Variants in CAMK2D observed in about 807,000 individuals in gnomAD.
The protein encoded by CAMK2D is calcium/calmodulin-dependent protein kinase type II subunit delta.
CAMK2D carries 37 observed loss-of-function variants against 84.0 expected under a neutral mutation model. The ratio of observed to expected loss-of-function variants is 0.44; its 90% CI spans 0.34 to 0.58. CAMK2D has a LOEUF of 0.58. CAMK2D is among the 20% of genes least tolerant of loss of function. The probability of loss-of-function intolerance (pLI) is 0.02; values close to 1 mark genes in which losing one functional copy is unlikely to be tolerated. For missense variants in CAMK2D, 448 were observed against 652.5 expected, an observed-to-expected ratio of 0.69 and a Z score of 3.41; for synonymous variants, 202 against 212.5, an observed-to-expected ratio of 0.95 and a Z score of 0.43.
chr4:113,664,080 A>G (rs1469506827), intron 2 of CAMK2D, among the ~76,000 whole-genome samples: 1 of 152,182 alleles, frequency 6.6e-6, no homozygotes, highest in Non-Finnish European at 1.5e-5. Flanking sequence ...AGGATAAGAC[A>G]GGCATCTACA....
intron 8 of CAMK2D, among the ~76,000 whole-genome samples, chr4:113,519,729 T>G (rs2098332535): frequency 6.6e-6 from 1 of 152,220 alleles, no homozygotes; most frequent in African/African-American, 2.4e-5. Flanking sequence ...GTAATACTAA[T>G]AAATTTTATT....
intron 6 of CAMK2D, among the ~76,000 whole-genome samples, chr4:113,546,818 A>G (rs1276965428): frequency 6.6e-6 from 1 of 152,216 alleles, no homozygotes; most frequent in African/African-American, 2.4e-5. Context: ...TTCCACAGGT[A>G]AAACTAGAGT....
chr4:113,521,486 G>A (rs1398452648), intron 8 of CAMK2D, among the ~76,000 whole-genome samples: 1 of 152,038 alleles, frequency 6.6e-6, no homozygotes, highest in Non-Finnish European at 1.5e-5. Context: ...AGAAAGTTCT[G>A]GTTCCTTTTA....
chr4:113,616,694 C>A (rs573492025), intron 3 of CAMK2D, among the ~76,000 whole-genome samples: 2 of 152,036 alleles, frequency 1.3e-5, no homozygotes, highest in Non-Finnish European at 2.9e-5. Flanking sequence ...GAAAGAAAAA[C>A]GTCATCAATG....
chr4:113,548,627 G>C (rs1409166724), intron 5 of CAMK2D: 5 of 1,136,908 alleles, frequency 4.4e-6, no homozygotes, highest in African/African-American at 3.1e-5. Context: ...AAACTGCTTT[G>C]ATTCAGATTT....
At chr4:113,610,794 C>T (rs1374064115) in intron 3 of CAMK2D, among the ~76,000 whole-genome samples, 1 of 152,044 alleles carries the variant, frequency 6.6e-6, no homozygotes, top group Non-Finnish European at 1.5e-5. Flanking sequence ...TGTCACAGTG[C>T]CACCCTTGAG....
intron 4 of CAMK2D, among the ~76,000 whole-genome samples, chr4:113,586,369 C>T (rs538669925): frequency 3.9e-5 from 6 of 152,090 alleles, no homozygotes; most frequent in Non-Finnish European, 8.8e-5. Flanking sequence ...ATTTGGGCCA[C>T]CATTGAGCAA....
intron 4 of CAMK2D, among the ~76,000 whole-genome samples, chr4:113,571,114 A>G (rs2098751370): frequency 6.6e-6 from 1 of 151,084 alleles, no homozygotes; most frequent in Non-Finnish European, 1.5e-5. Context: ...CACACTTGTT[A>G]GAACAACTAC....
At chr4:113,544,120 G>A (rs181012890) in intron 6 of CAMK2D, among the ~76,000 whole-genome samples, 231 of 152,176 alleles carry the variant, frequency 1.5e-3, no homozygotes, top group African/African-American at 5.0e-3. Context: ...TCTTTGTCTC[G>A]TTTTCCAAAG....
At chr4:113,710,470 C>A (rs941984718) in intron 2 of CAMK2D, among the ~76,000 whole-genome samples, 4 of 152,154 alleles carry the variant, frequency 2.6e-5, no homozygotes, top group African/African-American at 9.7e-5. Flanking sequence ...CTCTTTGGCA[C>A]ACACCTGGAA....
intron 4 of CAMK2D, among the ~76,000 whole-genome samples, chr4:113,598,310 C>T (rs1469833480): frequency 6.6e-6 from 1 of 151,266 alleles, no homozygotes; most frequent in African/African-American, 2.4e-5. Flanking sequence ...ATAAATGGTG[C>T]TGAAACAACT....
chr4:113,459,082 A>C (rs1304530478), intron 18 of CAMK2D, among the ~76,000 whole-genome samples: 1 of 152,222 alleles, frequency 6.6e-6, no homozygotes, highest in Non-Finnish European at 1.5e-5. Flanking sequence ...TTTGAATTGA[A>C]AGATTTATCT....
chr4:113,593,417 T>G (rs1165490394), intron 4 of CAMK2D, among the ~76,000 whole-genome samples: 1 of 151,846 alleles, frequency 6.6e-6, no homozygotes, highest in Admixed American at 6.6e-5. Flanking sequence ...CTCTGAACCA[T>G]CATGAGGTAG....
At chr4:113,625,768 T>A (rs1331777665) in intron 3 of CAMK2D, among the ~76,000 whole-genome samples, 1 of 152,056 alleles carries the variant, frequency 6.6e-6, no homozygotes, top group Non-Finnish European at 1.5e-5. Flanking sequence ...ACTGTAGAGT[T>A]CTGAGGAGAG....
intron 5 of CAMK2D, among the ~76,000 whole-genome samples, chr4:113,551,136 AT>A (rs1189300549): frequency 1.3e-5 from 2 of 152,288 alleles, no homozygotes; most frequent in African/African-American, 4.8e-5. Context: ...TCTTGATCAG[AT>A]TTTTAAAAAT....
At chr4:113,542,004 G>A (rs1275648420) in intron 6 of CAMK2D, among the ~76,000 whole-genome samples, 1 of 152,204 alleles carries the variant, frequency 6.6e-6, no homozygotes, top group Non-Finnish European at 1.5e-5. Context: ...TGTGCTATAA[G>A]TTTGCAATTA....
intron 16 of CAMK2D, among the ~76,000 whole-genome samples, chr4:113,477,799 G>C (rs1175307969): frequency 1.3e-5 from 2 of 151,068 alleles, no homozygotes; most frequent in Non-Finnish European, 2.9e-5. Flanking sequence ...CAGTAAAGGT[G>C]TTCTTAGTTT....
At chr4:113,620,216 G>A (rs2099039758) in intron 3 of CAMK2D, among the ~76,000 whole-genome samples, 1 of 152,080 alleles carries the variant, frequency 6.6e-6, no homozygotes, top group Non-Finnish European at 1.5e-5. Flanking sequence ...TTGGTTCTGT[G>A]GTGTGTAGAG....
At chr4:113,468,934 C>G (rs1178931327) in intron 16 of CAMK2D, among the ~76,000 whole-genome samples, 2 of 152,166 alleles carry the variant, frequency 1.3e-5, no homozygotes, top group African/African-American at 4.8e-5. Flanking sequence ...CAAGCCTATA[C>G]TCATAGGACA....
Sources: allele counts gnomAD v4.1 joint callset (sites outside exome capture counted in the v4.1 genomes callset), GRCh38; gene constraint gnomAD v4.1.1; transcripts MANE v1.5; gene names NCBI Gene and HGNC (gene_info 2026-07-23, HGNC 2026-07-21).